CELF2: variants seen among roughly 807,000 people sequenced by gnomAD.
The protein encoded by CELF2 is CUGBP Elav-like family member 2.
A neutral mutation model predicts 62.6 loss-of-function variants in CELF2; 8 were observed. That is an observed-to-expected ratio of 0.13 (90% CI 0.07 to 0.23). CELF2 has a LOEUF of 0.23. Among genes scored for constraint, CELF2 ranks in the 10% least tolerant of loss-of-function variants. The probability of loss-of-function intolerance (pLI) is 1.00; values close to 1 mark genes in which losing one functional copy is unlikely to be tolerated. For synonymous variants in CELF2, 258 were observed against 250.0 expected (o/e 1.03, Z -0.30); for missense variants, 333 against 671.0 (o/e 0.50, Z 5.56).
At chr10:10,732,371 A>G in the CELF2 span, among the ~76,000 whole-genome samples, 3 of 152,124 alleles carry the variant, frequency 2.0e-5, no homozygotes, top group Non-Finnish European at 4.4e-5. Context: ...GCAGTATTTT[A>G]TGAATATGTT....
In CELF2 at chr10:11,321,159, C is replaced by CT. The variant is rs773004833; in HGVS notation, c.1097-29dup. 5 of 1,609,308 alleles carry CT rather than the reference C, an allele frequency of 3.1e-6. No individual in the cohort carries two copies. In the South Asian group the frequency reaches 5.5e-5, roughly 18 times the overall value. ...AAGCACTAATGAATAAGTGCTGTTTCTCTTCTCTATTGTTGGGTTTTTTGT... is the reference window on the plus strand; with the variant it reads ...AAGCACTAATGAATAAGTGCTGTTTCTTCTTCTCTATTGTTGGGTTTTTTGT... On this transcript the variant is annotated intron_variant, in intron 10 of 12. Coordinates refer to ENST00000633077, the MANE Select transcript of CELF2 (RefSeq NM_001326342.2). This position sits in a 1 kb window ranked among gnomAD's most constrained non-coding sequence, Gnocchi z 6.2.
chr10:10,656,821 T>C, the CELF2 span, among the ~76,000 whole-genome samples: 1 of 146,346 alleles, frequency 6.8e-6, no homozygotes, highest in Non-Finnish European at 1.5e-5. Flanking sequence ...TGTATACATA[T>C]GTAACTAACC....
At chr10:11,226,234 A>G (rs2066492039) in intron 3 of CELF2, among the ~76,000 whole-genome samples, 1 of 152,240 alleles carries the variant, frequency 6.6e-6, no homozygotes, top group Non-Finnish European at 1.5e-5. Context: ...CTGACAAGGA[A>G]GCTGAAACTC....
At chr10:11,070,074 G>A (rs1307033781) in intron 1 of CELF2, among the ~76,000 whole-genome samples, 5 of 152,174 alleles carry the variant, frequency 3.3e-5, no homozygotes, top group African/African-American at 1.2e-4. Context: ...TTCCAATAAT[G>A]TTTGTACTCT....
the CELF2 span, among the ~76,000 whole-genome samples, chr10:10,533,985 A>G: frequency 6.6e-6 from 1 of 152,176 alleles, no homozygotes; most frequent in African/African-American, 2.4e-5. Flanking sequence ...TCAATCAGCA[A>G]TAAAAGAAAC....
chr10:10,876,925 T>A (rs1355368985), intron 1 of CELF2, among the ~76,000 whole-genome samples: 1 of 152,240 alleles, frequency 6.6e-6, no homozygotes, highest in African/African-American at 2.4e-5. Context: ...GTATGTAGGA[T>A]GGAGATTCAG....
the CELF2 span, among the ~76,000 whole-genome samples, chr10:10,568,643 A>C: frequency 0.52 from 79,188 of 151,998 alleles, 22,056 homozygotes; most frequent in African/African-American, 0.72. Context: ...CAGGAAGGCA[A>C]GCAAAGAAGA....
intron 1 of CELF2, among the ~76,000 whole-genome samples, chr10:11,076,614 G>A (rs2072028377): frequency 6.6e-6 from 1 of 152,184 alleles, no homozygotes; most frequent in Non-Finnish European, 1.5e-5. Context: ...GTAGCACCTA[G>A]CATTGCCTTT....
rs535436412 is a variant in CELF2, at chr10:10,853,055, T to A, written c.53+54238T>A. ...GTGCAGTGGTGCAGTCTTGGCTCAC[T>A]ACAGCCTCCACCTCCTGGGTTTAAG... On this transcript the variant is annotated intron_variant, in intron 1 of 13. Coordinates refer to the CELF2 transcript ENST00000636488. Among the ~76,000 whole-genome samples, 28 of 152,336 alleles carry A rather than the reference T, an allele frequency of 1.8e-4. 1 individual carries two copies. Among genetic ancestry groups the A allele is most frequent in the African/African-American group, 6.7e-4 (28 of 41,572 alleles).
At chr10:10,817,312 T>A (rs1371067361) in intron 1 of CELF2, among the ~76,000 whole-genome samples, 1 of 152,242 alleles carries the variant, frequency 6.6e-6, no homozygotes, top group Non-Finnish European at 1.5e-5. Flanking sequence ...TCCTTTGAGT[T>A]ACAAACAAGC....
chr10:10,789,619 T>G, the CELF2 span, among the ~76,000 whole-genome samples: 2 of 152,204 alleles, frequency 1.3e-5, no homozygotes, highest in Non-Finnish European at 2.9e-5. Context: ...TACCTCATTG[T>G]ATCATTACAT....
the CELF2 span, among the ~76,000 whole-genome samples, chr10:10,561,604 G>T: frequency 6.6e-6 from 1 of 152,194 alleles, no homozygotes. Flanking sequence ...ATGGGGAATT[G>T]TAGGTGTTGT....
In CELF2 at chr10:11,008,334, G is replaced by GAAC. The variant is rs2055691707; in HGVS notation, c.53+2894_53+2895insAAC. 6.6e-6 allele frequency among the ~76,000 whole-genome samples: 1 copy of GAAC among 152,198 alleles called. No homozygotes were observed. The highest frequency in any genetic ancestry group is 2.4e-5 in the African/African-American group (1 of 41,424). ...GAGCTTTGGGAATATTCACATAGAT[G>GAAC]TGTTCAGCAGACCACAGACTGAGAT... is the stretch of plus-strand genomic sequence containing the variant. On this transcript the variant is annotated intron_variant, in intron 1 of 12. Coordinates refer to the CELF2 transcript ENST00000416382. The surrounding 1 kb of genome is among the most constrained non-coding windows in gnomAD (Gnocchi z 4.5).
the CELF2 span, among the ~76,000 whole-genome samples, chr10:10,618,717 C>A: frequency 6.6e-6 from 1 of 151,958 alleles, no homozygotes. Context: ...AAGGTCGTTG[C>A]CTCACGCCAA....
chr10:10,481,729 G>A, the CELF2 span, among the ~76,000 whole-genome samples: 3 of 152,178 alleles, frequency 2.0e-5, no homozygotes, highest in Non-Finnish European at 4.4e-5. Flanking sequence ...TTCAGATCTC[G>A]ATATTTTGTG....
At chr10:11,209,933 A>C (rs1417420996) in intron 2 of CELF2, among the ~76,000 whole-genome samples, 1 of 152,228 alleles carries the variant, frequency 6.6e-6, no homozygotes, top group African/African-American at 2.4e-5. Context: ...CCAAGATCCC[A>C]GTTGCAGTTC....
At chr10:10,846,919 T>G (rs2059051521) in intron 1 of CELF2, among the ~76,000 whole-genome samples, 1 of 152,202 alleles carries the variant, frequency 6.6e-6, no homozygotes, top group South Asian at 2.1e-4. Flanking sequence ...GTTTTGGTTT[T>G]CTGTTTGTAA....
chr10:10,867,298 A>G (rs1254810708), intron 1 of CELF2, among the ~76,000 whole-genome samples: 2 of 152,228 alleles, frequency 1.3e-5, no homozygotes, highest in African/African-American at 4.8e-5. Context: ...GTGGACAAAT[A>G]TACAGTCTCA....
At chr10:10,507,171 T>A in the CELF2 span, among the ~76,000 whole-genome samples, 3 of 152,112 alleles carry the variant, frequency 2.0e-5, no homozygotes, top group East Asian at 3.9e-4. Context: ...CTTTTCTTTC[T>A]TTTTCTTTTT....
Sources: allele counts gnomAD v4.1 joint callset (sites outside exome capture counted in the v4.1 genomes callset), GRCh38; gene constraint gnomAD v4.1.1; non-coding constraint Gnocchi (gnomAD v3.1); transcripts MANE v1.5; gene names NCBI Gene and HGNC (gene_info 2026-07-23, HGNC 2026-07-21).